PTPRD: variants seen among roughly 807,000 people sequenced by gnomAD.
The protein encoded by PTPRD is protein tyrosine phosphatase receptor type D, also known as receptor-type tyrosine-protein phosphatase delta.
In PTPRD, 34 loss-of-function variants were observed where a neutral mutation model predicts 214.5. The ratio of observed to expected loss-of-function variants is 0.16; its 90% CI spans 0.12 to 0.21. The LOEUF is 0.21. PTPRD is among the 10% of genes least tolerant of loss of function. The probability of loss-of-function intolerance (pLI) is 1.00; values close to 1 mark genes in which losing one functional copy is unlikely to be tolerated. For synonymous variants in PTPRD, 1,128 were observed against 845.7 expected (o/e 1.33, Z -5.79); for missense variants, 2,545 against 2,398.7 (o/e 1.06, Z -1.27).
chr9:8,469,712 T>C (rs983321364), intron 31 of PTPRD, among the ~76,000 whole-genome samples: 1 of 152,108 alleles, frequency 6.6e-6, no homozygotes, highest in African/African-American at 2.4e-5. Flanking sequence ...CTTGATGACA[T>C]TATTGAAATA....
chr9:9,569,266 A>G lies in PTPRD; in HGVS notation c.-237+5466T>C, dbSNP rs567505320. Among the ~76,000 whole-genome samples, 9 of 151,414 alleles carry G rather than the reference A, an allele frequency of 5.9e-5. No homozygotes were observed. The South Asian group carries it at 1.9e-3, about 31-fold the overall frequency. ...TTGATTAAATGGCACAATAATTTCT[A>G]CAGAGCAGAGGGGAAAAAAAAAAGG... On this transcript the variant is annotated intron_variant, in intron 8 of 45. Transcript: ENST00000381196.
At chr9:10,308,102 G>A (rs973452121) in intron 3 of PTPRD, among the ~76,000 whole-genome samples, 43 of 151,290 alleles carry the variant, frequency 2.8e-4, no homozygotes, top group African/African-American at 9.7e-4. Context: ...TGTTTATATT[G>A]CCTGTACTTT....
chr9:10,123,720 T>G (rs1039343296), intron 3 of PTPRD, among the ~76,000 whole-genome samples: 1 of 152,204 alleles, frequency 6.6e-6, no homozygotes, highest in South Asian at 2.1e-4. Flanking sequence ...TAGTTCTACC[T>G]TGGAATAGTG....
intron 10 of PTPRD, among the ~76,000 whole-genome samples, chr9:9,116,981 G>GGT (rs886486741): frequency 3.3e-5 from 5 of 152,096 alleles, no homozygotes; most frequent in Non-Finnish European, 7.4e-5. Context: ...AAATGCTCAG[G>GGT]GTGTGTGTGT....
intron 9 of PTPRD, among the ~76,000 whole-genome samples, chr9:9,396,941 T>C (rs1179565304): frequency 6.6e-6 from 1 of 152,058 alleles, no homozygotes; most frequent in Non-Finnish European, 1.5e-5. Context: ...AGAGATTAAC[T>C]ATATTGTTCC....
intron 3 of PTPRD, among the ~76,000 whole-genome samples, chr9:10,065,562 T>C (rs1297551067): frequency 6.6e-6 from 1 of 151,964 alleles, no homozygotes; most frequent in Non-Finnish European, 1.5e-5. Flanking sequence ...AAATTTTTGG[T>C]CTGATACATT....
At chr9:9,532,345 A>AT (rs1257430978) in intron 8 of PTPRD, among the ~76,000 whole-genome samples, 1 of 152,154 alleles carries the variant, frequency 6.6e-6, no homozygotes, top group Non-Finnish European at 1.5e-5. Context: ...TGAAAGCTGG[A>AT]TTGTTTCAGA....
chr9:10,178,565 T>A (rs2099262936), intron 3 of PTPRD, among the ~76,000 whole-genome samples: 1 of 151,916 alleles, frequency 6.6e-6, no homozygotes. Flanking sequence ...ATGAACAGTA[T>A]AGCAAAATGT....
At chr9:10,409,426 T>G (rs1263043883) in intron 2 of PTPRD, among the ~76,000 whole-genome samples, 2 of 151,768 alleles carry the variant, frequency 1.3e-5, no homozygotes, top group African/African-American at 4.8e-5. Flanking sequence ...ATAGCATCAT[T>G]GTTATCACAT....
chr9:9,355,679 G>A (rs2053490542), intron 9 of PTPRD, among the ~76,000 whole-genome samples: 1 of 151,554 alleles, frequency 6.6e-6, no homozygotes, highest in Non-Finnish European at 1.5e-5. Context: ...ACAGGGCCTG[G>A]AGATGTAAAT....
chr9:10,231,838 G>A (rs2099611125), intron 3 of PTPRD, among the ~76,000 whole-genome samples: 1 of 151,780 alleles, frequency 6.6e-6, no homozygotes, highest in Admixed American at 6.6e-5. Flanking sequence ...GGGCCCTGTG[G>A]AGGTATTTGG....
chr9:8,444,373 T>A (rs1423495646), intron 34 of PTPRD, among the ~76,000 whole-genome samples: 1 of 152,124 alleles, frequency 6.6e-6, no homozygotes, highest in Admixed American at 6.6e-5. Flanking sequence ...ATACATGACA[T>A]ACACACAGAC....
chr9:9,708,118 G>T (rs1298165841), intron 7 of PTPRD, among the ~76,000 whole-genome samples: 3 of 152,056 alleles, frequency 2.0e-5, no homozygotes, highest in African/African-American at 4.8e-5. Flanking sequence ...AGATTACTAC[G>T]TTGATTTAGT....
intron 5 of PTPRD, among the ~76,000 whole-genome samples, chr9:9,770,238 G>T (rs750813558): frequency 6.6e-6 from 1 of 152,154 alleles, no homozygotes; most frequent in Non-Finnish European, 1.5e-5. Flanking sequence ...GTGTAAAAGC[G>T]TTCCTATTTC....
intron 3 of PTPRD, among the ~76,000 whole-genome samples, chr9:10,285,639 C>A (rs76210253): frequency 0.042 from 5,084 of 120,832 alleles, 141 homozygotes; most frequent in South Asian, 0.11. Context: ...GAAACAGAGT[C>A]TCGCTCTGTC....
intron 3 of PTPRD, among the ~76,000 whole-genome samples, chr9:10,084,870 T>C (rs1354366023): frequency 2.0e-5 from 3 of 151,894 alleles, no homozygotes; most frequent in Admixed American, 2.0e-4. Flanking sequence ...ACATAATACA[T>C]AAATCTTACA....
chr9:9,387,321 C>T (rs2064194242), intron 9 of PTPRD, among the ~76,000 whole-genome samples: 1 of 152,060 alleles, frequency 6.6e-6, no homozygotes, highest in African/African-American at 2.4e-5. Flanking sequence ...AGTGGAAGCA[C>T]AGTTTAGGGC....
intron 8 of PTPRD, among the ~76,000 whole-genome samples, chr9:9,562,177 C>T (rs1248435151): frequency 6.6e-6 from 1 of 152,064 alleles, no homozygotes; most frequent in Non-Finnish European, 1.5e-5. Flanking sequence ...AAAGGCAGCT[C>T]CACAGTTAAG....
At chr9:9,804,756 G>A (rs1296535666) in intron 5 of PTPRD, among the ~76,000 whole-genome samples, 1 of 151,742 alleles carries the variant, frequency 6.6e-6, no homozygotes, top group African/African-American at 2.4e-5. Context: ...GTAGAGATAT[G>A]AGGTGTGCTT....
Sources: allele counts gnomAD v4.1 joint callset (sites outside exome capture counted in the v4.1 genomes callset), GRCh38; gene constraint gnomAD v4.1.1; transcripts MANE v1.5; gene names NCBI Gene and HGNC (gene_info 2026-07-23, HGNC 2026-07-21).